RPL35A: variants seen among roughly 807,000 people sequenced by gnomAD.
RPL35A encodes ribosomal protein L35a, also known as large ribosomal subunit protein eL33.
In RPL35A, 1 loss-of-function variant was observed where a neutral mutation model predicts 16.7. The observed-to-expected ratio is 0.06, with a 90% CI of 0.02 to 0.28. The LOEUF is 0.28. Ranked by LOEUF, RPL35A falls within the 10% of genes least tolerant of loss-of-function variation. The probability of loss-of-function intolerance (pLI) is 1.00; values close to 1 mark genes in which losing one functional copy is unlikely to be tolerated. For missense variants in RPL35A, 91 were observed against 138.7 expected (o/e 0.66, Z 1.73); for synonymous variants, 58 against 47.0 (o/e 1.23, Z -0.96).
chr3:197,955,689 C>T (rs1720473992), intron 4 of RPL35A, 61 bp from the exon 5 acceptor site: 1 of 1,378,676 alleles, frequency 7.3e-7, no homozygotes, highest in South Asian at 1.2e-5. Context: ...TATTACGGTT[C>T]TTGATTTGTA....
At chr3:197,952,389 T>C (rs1238850664) in intron 3 of RPL35A, among the ~76,000 whole-genome samples, 4 of 151,980 alleles carry the variant, frequency 2.6e-5, no homozygotes, top group Admixed American at 2.6e-4. Flanking sequence ...AGGCTGGTCT[T>C]AAACTCCTGA....
chr3:197,950,418 C>T (rs1581095234), intron 1 of RPL35A, 197 bp downstream of exon 1: 4 of 899,494 alleles, frequency 4.4e-6, no homozygotes, highest in Non-Finnish European at 5.7e-6. Flanking sequence ...AGAACGGCTG[C>T]CCGGGTTATC....
intron 4 of RPL35A, among the ~76,000 whole-genome samples, chr3:197,954,985 T>C (rs1382465694): frequency 2.0e-5 from 3 of 152,224 alleles, no homozygotes; most frequent in African/African-American, 7.2e-5. Flanking sequence ...CAGACTCTCA[T>C]GTTCCTAGGT....
chr3:197,953,781 G>A (rs1720313978), intron 3 of RPL35A: 1 of 604,434 alleles, frequency 1.7e-6, no homozygotes, highest in African/African-American at 1.9e-5. Flanking sequence ...TGGTTATCAT[G>A]TGAAAGATTT....
chr3:197,954,078 C>T lies in RPL35A; in HGVS notation c.240C>T (p.Asn80=). Residue 80 remains asparagine (N), a synonymous_variant, in exon 4 of 5, where the codon AAC becomes AAT. Coordinates refer to ENST00000647248, the MANE Select transcript of RPL35A (RefSeq NM_000996.4). Reference sequence around the variant, plus strand: ...GAAAAGTAACTCGGGCCCATGGAAACAGTGGCATGGTTCGTGCCAAATTCC... The same window carrying T: ...GAAAAGTAACTCGGGCCCATGGAAATAGTGGCATGGTTCGTGCCAAATTCC... The part of the protein sequence containing the change: ...IWGKVTRAHG[N]SGMVRAKFRS... The T allele has an allele frequency of 6.2e-7, 1 of 1,614,162 alleles. No homozygotes were observed. The highest frequency in any genetic ancestry group is 1.1e-5 in the South Asian group (1 of 91,082).
At position 197,954,154 on chromosome 3, in the gene RPL35A, A is replaced by G. The variant is rs574339624; in HGVS notation, c.309+7A>G. The G allele has an allele frequency of 2.5e-6, 4 of 1,614,070 alleles. No individual in the cohort carries two copies. The highest frequency in any genetic ancestry group is 1.7e-5 in the Admixed American group (1 of 60,008). On this transcript the variant is annotated splice_region_variant and intron_variant, in intron 4 of 4. Transcript: ENST00000647248. ...TGGACACAGAATCCGAGTGGTGAGTATGGTTTTTAGCAAAATGGACGTCTG... is the reference window on the plus strand; with the variant it reads ...TGGACACAGAATCCGAGTGGTGAGTGTGGTTTTTAGCAAAATGGACGTCTG...
chr3:197,955,850 A>T lies in RPL35A; in HGVS notation c.*77A>T. ...GTGGATTAAAAAACTTACTACCTTA[A>T]ATTGATTTGCTACATGCTTAAAATG... On this transcript the variant is annotated 3_prime_UTR_variant, in exon 5 of 5. Transcript: ENST00000647248. 8.3e-7 allele frequency: 1 copy of T among 1,206,132 alleles called. No individual in the cohort carries two copies. The highest frequency in any genetic ancestry group is 2.3e-5 in the East Asian group (1 of 42,946). 74.7% of individuals were successfully genotyped at this position (1,206,132 alleles called of 1,614,324 possible). A position where few individuals can be genotyped will look rare whatever the true frequency, so the allele number is the denominator to read the frequency against.
At chr3:197,950,586 G>A (rs1287619288) in intron 1 of RPL35A, 3 of 357,128 alleles carry the variant, frequency 8.4e-6, no homozygotes, top group African/African-American at 4.2e-5. Flanking sequence ...CCCAGCCATT[G>A]CATAAAAGTC....
chr3:197,952,610 T>A (rs1720203577), intron 3 of RPL35A: 1 of 152,262 alleles, frequency 6.6e-6, no homozygotes, highest in African/African-American at 2.4e-5. Flanking sequence ...TTATCCTGCC[T>A]CAGCCTCCGA....
Position 197,951,501 on chromosome 3 carries a change from G to A in RPL35A, c.164+190G>A, listed in dbSNP as rs540738693. ...CCGAGTAGCTGGGATTACAGGCGCC[G>A]GCCACCACGCCCGGCTAGTTTTTGT... On this transcript the variant is annotated intron_variant, in intron 3 of 4. Transcript: ENST00000647248. 16 of 610,298 alleles carry A rather than the reference G, an allele frequency of 2.6e-5. No individual in the cohort carries two copies. The South Asian group carries it at 2.8e-4, about 11-fold the overall frequency. 37.8% of individuals were successfully genotyped at this position (610,298 alleles called of 1,614,324 possible).
intron 4 of RPL35A, chr3:197,954,554 G>A (rs186253311): frequency 6.3e-6 from 2 of 317,276 alleles, no homozygotes; most frequent in Non-Finnish European, 1.2e-5. Flanking sequence ...TTGTCACGCA[G>A]GCTGGAGTGC....
At chr3:197,950,649 C>G (rs1719987947) in intron 1 of RPL35A, 1 of 486,364 alleles carries the variant, frequency 2.1e-6, no homozygotes, top group East Asian at 3.6e-5. Context: ...GTGTTGCCTA[C>G]TGATAACGGC....
chr3:197,955,869 T>A lies in RPL35A; in HGVS notation c.*96T>A. 1.9e-6 allele frequency: 2 copies of A among 1,053,524 alleles called. No homozygotes were observed. Among genetic ancestry groups the A allele is most frequent in the Non-Finnish European group, 3.0e-6 (2 of 676,836 alleles). 65.3% of individuals were successfully genotyped at this position (1,053,524 alleles called of 1,614,324 possible). On this transcript the variant is annotated 3_prime_UTR_variant, in exon 5 of 5. Transcript: ENST00000647248. ...ACCTTAAATTGATTTGCTACATGCT[T>A]AAAATGATAGAGGTTGCTCAGCATT...
chr3:197,950,951 G>C lies in RPL35A; in HGVS notation c.-17G>C. ...TTGTTTTAAGGCCTGCTGGGAACGG[G>C]ACTTCTAAAAGGAACTATGTCTGGA... On this transcript the variant is annotated 5_prime_UTR_variant, in exon 2 of 5. Coordinates refer to ENST00000647248, the MANE Select transcript of RPL35A (RefSeq NM_000996.4). The C allele has an allele frequency of 6.2e-7, 1 of 1,614,168 alleles. No homozygotes were observed.
chr3:197,953,645 C>T, intron 3 of RPL35A: 1 of 440,696 alleles, frequency 2.3e-6, no homozygotes, highest in South Asian at 1.6e-5. Flanking sequence ...CCTTCCTTGG[C>T]TATTTAAAAT....
At chr3:197,953,918 TGA>T (rs1424434381) in intron 3 of RPL35A, 83 bp from the exon 4 acceptor site, 5 of 1,411,388 alleles carry the variant, frequency 3.5e-6, no homozygotes, top group Non-Finnish European at 5.0e-6. Context: ...TAACCAGGGT[TGA>T]GAGCCACTCG....
At chr3:197,950,541 C>T in intron 1 of RPL35A, 2 of 311,272 alleles carry the variant, frequency 6.4e-6, no homozygotes, top group South Asian at 5.9e-5. Flanking sequence ...CCTTCCTTGG[C>T]TTGTCTGACC....
At position 197,950,700 on chromosome 3, in the gene RPL35A, T is replaced by C. The variant is rs548948694; in HGVS notation, c.-32-236T>C. The C allele has an allele frequency of 6.9e-5, 39 of 566,166 alleles. 1 individual carries two copies. The South Asian group carries it at 8.0e-4, about 12-fold the overall frequency. 35.1% of individuals were successfully genotyped at this position (566,166 alleles called of 1,614,324 possible). ...CTTTTCTGAGAGTCATTTTTGTGAC[T>C]CCTGTCCCTTAGTTTTGTCTTCATT... On this transcript the variant is annotated intron_variant, in intron 1 of 4. Coordinates refer to ENST00000647248, the MANE Select transcript of RPL35A (RefSeq NM_000996.4).
At chr3:197,950,482 A>G (rs913747041) in intron 1 of RPL35A, 2 of 397,768 alleles carry the variant, frequency 5.0e-6, no homozygotes, top group African/African-American at 4.2e-5. Flanking sequence ...GTTCGTGTGC[A>G]GTTGTCCATG....
Sources: gnomAD v4.1 joint callset for allele counts (sites outside exome capture counted in the v4.1 genomes callset) on GRCh38, gnomAD v4.1.1 for gene constraint, MANE v1.5 for transcripts, NCBI Gene and HGNC (gene_info 2026-07-23, HGNC 2026-07-21) for gene names.